Variants in UIMC1 observed in about 807,000 individuals in gnomAD.
UIMC1 encodes the protein ubiquitin interaction motif containing 1, also known as BRCA1-A complex subunit RAP80.
UIMC1 carries 42 observed loss-of-function variants against 84.9 expected under a neutral mutation model. The observed-to-expected ratio is 0.49, with a 90% CI of 0.39 to 0.64. UIMC1 has a LOEUF of 0.64. Among genes scored for constraint, UIMC1 ranks in the 30% least tolerant of loss-of-function variants. UIMC1 has a pLI of 0.00. For missense variants in UIMC1, 825 were observed against 847.6 expected (o/e 0.97, Z 0.33); for synonymous variants, 281 against 293.0 (o/e 0.96, Z 0.42).
chr5:177,003,407 C>CA (rs1774816837), intron 1 of UIMC1, among the ~76,000 whole-genome samples: 1 of 152,320 alleles, frequency 6.6e-6, no homozygotes, highest in South Asian at 2.1e-4. Flanking sequence ...GTAATCCCAG[C>CA]ACTCTGGGAG....
intron 1 of UIMC1, among the ~76,000 whole-genome samples, chr5:177,013,169 C>T (rs1005090386): frequency 2.0e-5 from 3 of 151,698 alleles, no homozygotes; most frequent in Admixed American, 6.6e-5. Flanking sequence ...GTCAGGAGTT[C>T]GAGACCAGCC....
rs767035715 is a variant in UIMC1 at position 176,969,151 on chromosome 5, C to G, written c.604G>C (p.Asp202His). The change falls in exon 6 of 15, where the codon GAC (aspartate) becomes CAC (histidine). Residue 202 changes from aspartate to histidine, a missense_variant. By Grantham distance (81) the Asp-to-His change is moderately conservative. Coordinates refer to ENST00000511320, the MANE Select transcript of UIMC1 (RefSeq NM_001199298.2). ...TCAAACACTGGCTGGCTTGACTGGT[C>G]CCAGCTTCCTGAGCTGCCAGAGACC... ...EPVSGSSGSWDQSSQPVFENV... is the reference protein window; with the variant it reads ...EPVSGSSGSWHQSSQPVFENV... The G allele has an allele frequency of 6.2e-7, 1 of 1,614,174 alleles. No homozygotes were observed.
chr5:176,916,942 T>C (rs1159231267), intron 10 of UIMC1, among the ~76,000 whole-genome samples: 2 of 152,170 alleles, frequency 1.3e-5, no homozygotes, highest in African/African-American at 2.4e-5. Flanking sequence ...AAAAAACATA[T>C]GGCCTAGTAC....
rs144495117 is a variant in UIMC1 at position 177,004,973 on chromosome 5, C to T, written c.-9+1677G>A. Among the ~76,000 whole-genome samples the T allele has an allele frequency of 9.1e-3, 1,385 of 152,246 alleles. 8 individuals are homozygous for T. Among genetic ancestry groups the T allele is most frequent in the South Asian group, 0.025 (121 of 4,830 alleles). On this transcript the variant is annotated intron_variant, in intron 1 of 14. Transcript: ENST00000511320. ...GCTGGAGTGCAGTAGGGCAATCAGC[C>T]TCGACCTGGTCCAAAGGTCAAGCAA...
chr5:176,952,703 G>T (rs187126739), intron 8 of UIMC1, among the ~76,000 whole-genome samples: 55 of 152,174 alleles, frequency 3.6e-4, no homozygotes, highest in African/African-American at 1.3e-3. Flanking sequence ...AAGACGAGGC[G>T]GGAGGATCAC....
intron 1 of UIMC1, chr5:177,001,273 C>T (rs1774407475): frequency 6.6e-6 from 1 of 152,168 alleles, no homozygotes; most frequent in African/African-American, 2.4e-5. Context: ...ACTGTCTTTT[C>T]CCCAGTGTAT....
intron 6 of UIMC1, among the ~76,000 whole-genome samples, chr5:176,966,707 T>C (rs143601139): frequency 1.6e-4 from 24 of 152,294 alleles, no homozygotes; most frequent in African/African-American, 4.6e-4. Context: ...AAGATGAAGA[T>C]TGGTTTCAAT....
At chr5:176,953,530 A>ACACC (rs1486168664) in intron 8 of UIMC1, among the ~76,000 whole-genome samples, 1 of 151,088 alleles carries the variant, frequency 6.6e-6, no homozygotes, top group Non-Finnish European at 1.5e-5. Flanking sequence ...ACACACACAC[A>ACACC]CCTTATTGGA....
At chr5:177,007,393 C>T (rs184608186), upstream of UIMC1, among the ~76,000 whole-genome samples, 932 of 151,510 alleles carry the variant, frequency 6.2e-3, 5 homozygotes, top group Admixed American at 7.1e-3. Flanking sequence ...TACAGACACT[C>T]CTACAGGTGT....
chr5:176,992,130 G>A (rs1213516146), intron 1 of UIMC1, among the ~76,000 whole-genome samples: 1 of 152,014 alleles, frequency 6.6e-6, no homozygotes, highest in African/African-American at 2.4e-5. Flanking sequence ...CTCAAAAGAA[G>A]AGATAGATTA....
chr5:177,010,223 A>G (rs1442225776), upstream of UIMC1, among the ~76,000 whole-genome samples: 1 of 152,012 alleles, frequency 6.6e-6, no homozygotes, highest in Non-Finnish European at 1.5e-5. Context: ...CTCAGAAAAA[A>G]GAAATGAAAC....
At chr5:176,946,372 C>T (rs781516094) in intron 9 of UIMC1, among the ~76,000 whole-genome samples, 23 of 152,094 alleles carry the variant, frequency 1.5e-4, no homozygotes, top group African/African-American at 1.7e-4. Context: ...ATTAGCTGGG[C>T]GTGGTGGCAC....
At chr5:176,956,898 G>T (rs1229427317) in intron 7 of UIMC1, among the ~76,000 whole-genome samples, 1 of 151,976 alleles carries the variant, frequency 6.6e-6, no homozygotes, top group African/African-American at 2.4e-5. Context: ...CATAGCATTT[G>T]TTATAAACCC....
At chr5:176,971,002 T>C in intron 3 of UIMC1, 136 bp from the exon 4 acceptor site, 1 of 1,227,014 alleles carries the variant, frequency 8.1e-7, no homozygotes, top group Non-Finnish European at 1.1e-6. Context: ...ATCTTGTAAA[T>C]GAGGAAAACC....
At chr5:176,967,922 T>A (rs917188285) in intron 6 of UIMC1, among the ~76,000 whole-genome samples, 8 of 148,602 alleles carry the variant, frequency 5.4e-5, no homozygotes, top group East Asian at 3.9e-4. Context: ...AAAAAAAAAA[T>A]TTATACAAAA....
chr5:176,977,223 CAAA>C (rs1016279747), intron 2 of UIMC1, among the ~76,000 whole-genome samples: 1 of 71,618 alleles, frequency 1.4e-5, no homozygotes. Context: ...GATTCTGTCT[CAAA>C]AAAAAAAAAA....
At chr5:176,993,841 C>G (rs1461807093) in intron 1 of UIMC1, among the ~76,000 whole-genome samples, 3 of 151,894 alleles carry the variant, frequency 2.0e-5, no homozygotes, top group Non-Finnish European at 1.5e-5. Context: ...AACCCCGTCT[C>G]TACTAAAAAT....
At chr5:176,913,301 C>A (rs1561718268) in intron 10 of UIMC1, among the ~76,000 whole-genome samples, 1 of 152,134 alleles carries the variant, frequency 6.6e-6, no homozygotes, top group Non-Finnish European at 1.5e-5. Flanking sequence ...TTACTTTTCC[C>A]CAGTTTTAAT....
At chr5:177,003,678 C>A (rs1204598820) in intron 1 of UIMC1, among the ~76,000 whole-genome samples, 1 of 151,834 alleles carries the variant, frequency 6.6e-6, no homozygotes. Flanking sequence ...AACAAACAAA[C>A]AAAAAACTTA....
Sources: gnomAD v4.1 joint callset for allele counts (sites outside exome capture counted in the v4.1 genomes callset) on GRCh38, gnomAD v4.1.1 for gene constraint, MANE v1.5 for transcripts, NCBI Gene and HGNC (gene_info 2026-07-23, HGNC 2026-07-21) for gene names.